AUTS2: variants seen among roughly 807,000 people sequenced by gnomAD.
The protein encoded by AUTS2 is autism susceptibility gene 2 protein.
In AUTS2, 17 loss-of-function variants were observed where a neutral mutation model predicts 112.4. The observed-to-expected ratio is 0.15, with a 90% confidence interval of 0.10 to 0.23. The LOEUF is 0.23. Ranked by LOEUF, AUTS2 falls within the 10% of genes least tolerant of loss-of-function variation. AUTS2 has a pLI of 1.00. For synonymous variants in AUTS2, 751 were observed against 702.7 expected, an observed-to-expected ratio of 1.07 and a Z score of -1.09; for missense variants, 1,510 against 1,701.6, an observed-to-expected ratio of 0.89 and a Z score of 1.98.
intron 1 of AUTS2, among the ~76,000 whole-genome samples, chr7:69,887,219 G>A (rs1285329193): frequency 1.3e-5 from 2 of 152,016 alleles, no homozygotes; most frequent in Non-Finnish European, 1.5e-5. Flanking sequence ...TTGGAGACCA[G>A]CCTGGCCAAC....
chr7:70,629,359 CT>C (rs1233681652), intron 5 of AUTS2, among the ~76,000 whole-genome samples: 1 of 152,146 alleles, frequency 6.6e-6, no homozygotes. Context: ...GTAATCTCAG[CT>C]ACTCAGGAGG....
chr7:70,673,615 A>T (rs1035999787), intron 5 of AUTS2, among the ~76,000 whole-genome samples: 6 of 152,046 alleles, frequency 3.9e-5, no homozygotes, highest in African/African-American at 1.4e-4. Context: ...GCCTCAGGTA[A>T]TCCACCTGCC....
chr7:70,106,183 A>G (rs61059979), intron 2 of AUTS2, among the ~76,000 whole-genome samples: 1,562 of 152,314 alleles, frequency 0.01, 37 homozygotes, highest in African/African-American at 0.035. Flanking sequence ...CACTTGCTAC[A>G]TGAAAGTGAA....
rs191887050 is a variant in AUTS2 at position 70,497,520 on chromosome 7, G to A, written c.690+61739G>A. Among the ~76,000 whole-genome samples, 6 of 152,286 alleles carry A rather than the reference G, an allele frequency of 3.9e-5. No individual in the cohort carries two copies. The East Asian group carries it at 1.2e-3, about 29-fold the overall frequency. On this transcript the variant is annotated intron_variant, in intron 5 of 18. Coordinates refer to ENST00000342771, the MANE Select transcript of AUTS2 (RefSeq NM_015570.4). ...ATACTTGGTTTTTGGAAAATAAAATGGAGAGCACTGCTTTATCTTGGAGAA... is the reference window on the plus strand; with the variant it reads ...ATACTTGGTTTTTGGAAAATAAAATAGAGAGCACTGCTTTATCTTGGAGAA...
intron 5 of AUTS2, among the ~76,000 whole-genome samples, chr7:70,688,009 G>A (rs1270379775): frequency 6.6e-6 from 1 of 152,136 alleles, no homozygotes; most frequent in African/African-American, 2.4e-5. Flanking sequence ...TCCCAGTGGC[G>A]GGCAACCTGT....
chr7:69,853,794 A>G (rs913776575), intron 1 of AUTS2, among the ~76,000 whole-genome samples: 1 of 152,162 alleles, frequency 6.6e-6, no homozygotes, highest in African/African-American at 2.4e-5. Context: ...GGAAAAGTAC[A>G]TCTGTTCCAT....
chr7:70,360,214 A>G (rs1231025246), intron 4 of AUTS2, among the ~76,000 whole-genome samples: 1 of 152,090 alleles, frequency 6.6e-6, no homozygotes. Context: ...TGGAGCCTCA[A>G]CCTCCTGGGC....
intron 2 of AUTS2, among the ~76,000 whole-genome samples, chr7:70,051,735 C>G (rs775580471): frequency 6.6e-6 from 1 of 152,072 alleles, no homozygotes; most frequent in Non-Finnish European, 1.5e-5. Context: ...AACAGATTCA[C>G]TTGTGGAATC....
intron 2 of AUTS2, among the ~76,000 whole-genome samples, chr7:70,023,913 CCT>C (rs2129555618): frequency 6.6e-6 from 1 of 152,266 alleles, no homozygotes; most frequent in African/African-American, 2.4e-5. Context: ...TTATGCATTA[CCT>C]TAAGAGCAAC....
chr7:70,298,156 C>T (rs1012765298), intron 4 of AUTS2, among the ~76,000 whole-genome samples: 10 of 151,906 alleles, frequency 6.6e-5, no homozygotes, highest in African/African-American at 2.2e-4. Context: ...CTCAGCCTCC[C>T]GAGTAGCTGG....
chr7:69,610,151 G>A (rs910894473), intron 1 of AUTS2, among the ~76,000 whole-genome samples: 6 of 152,180 alleles, frequency 3.9e-5, no homozygotes, highest in Non-Finnish European at 7.3e-5. Context: ...AAATAGCTTA[G>A]GACCAGAAAG....
At chr7:70,610,583 T>G (rs1338256709) in intron 5 of AUTS2, among the ~76,000 whole-genome samples, 1 of 151,728 alleles carries the variant, frequency 6.6e-6, no homozygotes, top group African/African-American at 2.4e-5. Context: ...TGACCACAGG[T>G]GCACGCCACT....
intron 4 of AUTS2, among the ~76,000 whole-genome samples, chr7:70,434,858 TAC>T (rs1795825261): frequency 6.6e-6 from 1 of 152,246 alleles, no homozygotes. Flanking sequence ...TAGATATATT[TAC>T]CTGCTGAGCT....
intron 4 of AUTS2, among the ~76,000 whole-genome samples, chr7:70,284,531 A>AAT (rs1788369042): frequency 6.6e-6 from 1 of 152,190 alleles, no homozygotes; most frequent in Non-Finnish European, 1.5e-5. Context: ...TTAAAAAAAA[A>AAT]ATCTATTTTT....
intron 2 of AUTS2, among the ~76,000 whole-genome samples, chr7:70,043,559 T>TCCTC (rs1192089575): frequency 2.0e-5 from 1 of 50,650 alleles, no homozygotes; most frequent in African/African-American, 7.5e-5. Flanking sequence ...CTTCCTTCCT[T>TCCTC]CCTTCCTTCC....
chr7:69,754,605 A>G (rs1218358644), intron 1 of AUTS2, among the ~76,000 whole-genome samples: 2 of 152,020 alleles, frequency 1.3e-5, no homozygotes, highest in Admixed American at 1.3e-4. Context: ...TCAGATGGGG[A>G]TTGTGTGGGG....
intron 4 of AUTS2, among the ~76,000 whole-genome samples, chr7:70,372,345 T>C (rs1204870707): frequency 6.6e-6 from 1 of 152,190 alleles, no homozygotes; most frequent in Non-Finnish European, 1.5e-5. Context: ...CCTAGTACTT[T>C]TTTAGGGAAC....
At chr7:70,207,212 A>C (rs1217335096) in intron 4 of AUTS2, among the ~76,000 whole-genome samples, 1 of 152,206 alleles carries the variant, frequency 6.6e-6, no homozygotes, top group Non-Finnish European at 1.5e-5. Context: ...GTAATGACCT[A>C]AGAGCAGACC....
intron 2 of AUTS2, among the ~76,000 whole-genome samples, chr7:69,927,812 G>C (rs1796081900): frequency 6.6e-6 from 1 of 152,248 alleles, no homozygotes; most frequent in South Asian, 2.1e-4. Flanking sequence ...TCCACTGTGG[G>C]CACCAATGTC....
Sources: gnomAD v4.1 joint callset for allele counts (sites outside exome capture counted in the v4.1 genomes callset) on GRCh38, gnomAD v4.1.1 for gene constraint, MANE v1.5 for transcripts, NCBI Gene and HGNC (gene_info 2026-07-23, HGNC 2026-07-21) for gene names.